The following VPS13B variants were observed in gnomAD, a reference collection of about 807,000 sequenced individuals.
VPS13B encodes the protein intermembrane lipid transfer protein VPS13B.
Under a neutral mutation model 426.4 loss-of-function variants are expected in VPS13B, and 285 were observed. That is an observed-to-expected ratio of 0.67 (90% CI 0.61 to 0.74). VPS13B has a LOEUF of 0.74. VPS13B is among the 30% of genes least tolerant of loss of function. VPS13B has a pLI of 0.00. For missense variants in VPS13B, 4,537 were observed against 4,782.6 expected, an observed-to-expected ratio of 0.95 and a Z score of 1.51; for synonymous variants, 1,676 against 1,676.4, an observed-to-expected ratio of 1.00 and a Z score of 0.01.
At chr8:99,596,293 C>T (rs1827008475) in intron 33 of VPS13B, among the ~76,000 whole-genome samples, 1 of 151,902 alleles carries the variant, frequency 6.6e-6, no homozygotes, top group South Asian at 2.1e-4. Flanking sequence ...AAGACAGATA[C>T]ATACGCTTAG....
chr8:99,016,316 T>C (rs899572550), intron 2 of VPS13B, among the ~76,000 whole-genome samples: 2 of 152,226 alleles, frequency 1.3e-5, no homozygotes, highest in Non-Finnish European at 1.5e-5. Context: ...AAAGTGGTTA[T>C]ATCAATTCCA....
chr8:99,434,636 A>T (rs1351021144), intron 22 of VPS13B, among the ~76,000 whole-genome samples: 1 of 152,216 alleles, frequency 6.6e-6, no homozygotes, highest in Non-Finnish European at 1.5e-5. Context: ...TAAAAATACT[A>T]GTTAATATAG....
intron 54 of VPS13B, among the ~76,000 whole-genome samples, 159 bp from the exon 55 acceptor site, chr8:99,848,617 C>A (rs1816102911): frequency 6.6e-6 from 1 of 151,848 alleles, no homozygotes; most frequent in Non-Finnish European, 1.5e-5. Context: ...TATTTTTTTT[C>A]ATTTCAAGTC....
At chr8:99,519,565 T>C (rs1026969482) in intron 29 of VPS13B, among the ~76,000 whole-genome samples, 2 of 152,102 alleles carry the variant, frequency 1.3e-5, no homozygotes, top group Non-Finnish European at 2.9e-5. Flanking sequence ...ATGTCCATCA[T>C]TGATAGACTG....
chr8:99,526,332 G>A lies in VPS13B; in HGVS notation c.4745+5322G>A, dbSNP rs115268641. ...GAGTAGTTGATTTTGTCATCAAATG[G>A]AAAGGCCTCAGAGGGTTTGAGCAGA... On this transcript the variant is annotated intron_variant, in intron 30 of 61. Coordinates refer to ENST00000357162, the MANE Select transcript of VPS13B (RefSeq NM_152564.5). Among the ~76,000 whole-genome samples the A allele has an allele frequency of 3.1e-3, 469 of 152,234 alleles. 2 individuals are homozygous for A. Among genetic ancestry groups the A allele is most frequent in the African/African-American group, 1.0e-2 (414 of 41,540 alleles).
In VPS13B at chr8:99,788,241, T is replaced by G. The variant is rs1200811271; in HGVS notation, c.7941+3765T>G. On this transcript the variant is annotated intron_variant, in intron 43 of 61. Coordinates refer to ENST00000357162, the MANE Select transcript of VPS13B (RefSeq NM_152564.5). ...AAATCTAAAAATTAAATTTAAAAAT[T>G]TAAAAATCTCCACAAAAAAATTTAA... Among the ~76,000 whole-genome samples the G allele has an allele frequency of 1.2e-4, 17 of 146,560 alleles. No individual in the cohort carries two copies. The South Asian group carries it at 3.3e-3, about 28-fold the overall frequency.
At chr8:99,031,657 C>T (rs920445630) in intron 2 of VPS13B, among the ~76,000 whole-genome samples, 29 of 152,218 alleles carry the variant, frequency 1.9e-4, no homozygotes, top group South Asian at 8.3e-4. Flanking sequence ...TTTCTTCACC[C>T]GTCATCAATA....
chr8:99,654,209 C>T (rs548995871), intron 34 of VPS13B, among the ~76,000 whole-genome samples: 10 of 151,958 alleles, frequency 6.6e-5, no homozygotes, highest in South Asian at 2.1e-4. Context: ...CCACCACGCC[C>T]GGCTAATTTT....
intron 30 of VPS13B, among the ~76,000 whole-genome samples, chr8:99,543,489 G>C (rs1440506817): frequency 6.6e-6 from 1 of 151,892 alleles, no homozygotes; most frequent in Non-Finnish European, 1.5e-5. Flanking sequence ...AAGAGCTTCT[G>C]CACAGCAAAA....
chr8:99,640,566 C>G (rs1402928816), intron 33 of VPS13B, among the ~76,000 whole-genome samples: 1 of 152,104 alleles, frequency 6.6e-6, no homozygotes, highest in Non-Finnish European at 1.5e-5. Context: ...CTGCACCTGG[C>G]CTAATAATTT....
chr8:99,309,377 T>A (rs1820824877), intron 19 of VPS13B, among the ~76,000 whole-genome samples: 1 of 152,204 alleles, frequency 6.6e-6, no homozygotes, highest in African/African-American at 2.4e-5. Context: ...AAGGAAGGGA[T>A]CCAGTTTCAG....
intron 19 of VPS13B, among the ~76,000 whole-genome samples, chr8:99,373,191 T>C (rs1023899812): frequency 6.6e-6 from 1 of 152,072 alleles, no homozygotes; most frequent in African/African-American, 2.4e-5. Context: ...AGAGAAAGCA[T>C]TAGGACAAAT....
At chr8:99,428,787 C>T (rs1187129367) in intron 21 of VPS13B, among the ~76,000 whole-genome samples, 1 of 152,088 alleles carries the variant, frequency 6.6e-6, no homozygotes, top group Non-Finnish European at 1.5e-5. Flanking sequence ...TTGGTATATG[C>T]CCAAAGTATT....
chr8:99,351,671 A>G (rs1480503507), intron 19 of VPS13B, among the ~76,000 whole-genome samples: 1 of 152,044 alleles, frequency 6.6e-6, no homozygotes. Flanking sequence ...ATTTTATTAT[A>G]TAATAAATTA....
chr8:99,257,002 A>G (rs538292662), intron 17 of VPS13B, among the ~76,000 whole-genome samples: 22 of 152,280 alleles, frequency 1.4e-4, no homozygotes, highest in Non-Finnish European at 2.5e-4. Context: ...TCTGGTATAG[A>G]GTAGTTTCAT....
chr8:99,627,591 C>T (rs1485092134), intron 33 of VPS13B, among the ~76,000 whole-genome samples: 1 of 152,002 alleles, frequency 6.6e-6, no homozygotes, highest in East Asian at 1.9e-4. Context: ...ACCATGTTGG[C>T]CAGGCTGGCC....
rs1377035793 is a variant in VPS13B at position 99,784,225 on chromosome 8, G to A, written c.7780-90G>A. On this transcript the variant is annotated intron_variant, in intron 42 of 61. Coordinates refer to ENST00000357162, the MANE Select transcript of VPS13B (RefSeq NM_152564.5). The stretch of plus-strand genomic sequence containing the variant: ...TGACAACAGATCTTTTAGGGTTTCT[G>A]TGTTGTAACAATCGCCACTGGGCAG... 5.9e-5 allele frequency: 90 copies of A among 1,529,736 alleles called. No homozygotes were observed. The East Asian group carries it at 1.9e-3, about 32-fold the overall frequency. 94.8% of individuals were successfully genotyped at this position (1,529,736 alleles called of 1,614,324 possible).
Position 99,835,219 on chromosome 8 carries a change from GA to G in VPS13B, c.9639del (p.Glu3213AspfsTer5), listed in dbSNP as rs1815323043. The G allele has an allele frequency of 6.2e-7, 1 of 1,613,750 alleles. No homozygotes were observed. The highest frequency in any genetic ancestry group is 1.3e-5 in the African/African-American group (1 of 74,844). ...CTRAIVLTYQ[E>X]HLGVTYLTLS... ...CAGGGCTATAGTGCTGACATATCAA[GA>G]ACACCTCGGAGTGACTTATTTAACC... On this transcript the variant is annotated frameshift_variant, in exon 53 of 62. Coordinates refer to ENST00000357162, the MANE Select transcript of VPS13B (RefSeq NM_152564.5). LOFTEE classifies it high-confidence loss of function.
At chr8:99,037,617 C>T (rs1842805927) in intron 2 of VPS13B, among the ~76,000 whole-genome samples, 1 of 152,010 alleles carries the variant, frequency 6.6e-6, no homozygotes, top group Non-Finnish European at 1.5e-5. Flanking sequence ...AATAGAGTTA[C>T]AATAACTAAA....
Sources: gnomAD v4.1 joint callset for allele counts (sites outside exome capture counted in the v4.1 genomes callset) on GRCh38, gnomAD v4.1.1 for gene constraint, MANE v1.5 for transcripts, NCBI Gene and HGNC (gene_info 2026-07-23, HGNC 2026-07-21) for gene names.